HCN1: variants seen among roughly 807,000 people sequenced by gnomAD.
HCN1 encodes potassium/sodium hyperpolarization-activated cyclic nucleotide-gated channel 1.
HCN1 carries 13 observed loss-of-function variants against 78.9 expected under a neutral mutation model. That is an observed-to-expected ratio of 0.16 (90% CI 0.11 to 0.26). The LOEUF (loss-of-function observed/expected upper bound fraction) is 0.26, where lower values mean the gene tolerates loss of function less well. HCN1 is among the 10% of genes least tolerant of loss of function. The pLI is 1.00. For synonymous variants in HCN1, 552 were observed against 455.5 expected, an observed-to-expected ratio of 1.21 and a Z score of -2.70; for missense variants, 810 against 1,154.3, an observed-to-expected ratio of 0.70 and a Z score of 4.32.
intron 2 of HCN1, among the ~76,000 whole-genome samples, chr5:45,560,563 G>T (rs888587079): frequency 9.9e-5 from 15 of 151,696 alleles, no homozygotes; most frequent in African/African-American, 3.6e-4. Context: ...TATAATTTTT[G>T]AAATAGTGAT....
chr5:45,349,346 A>T (rs932420351), intron 5 of HCN1, among the ~76,000 whole-genome samples: 1 of 152,162 alleles, frequency 6.6e-6, no homozygotes, highest in East Asian at 1.9e-4. Context: ...ACACAACATA[A>T]CAGAATCTCT....
intron 5 of HCN1, among the ~76,000 whole-genome samples, chr5:45,320,995 A>G (rs1446350312): frequency 1.3e-5 from 2 of 151,858 alleles, no homozygotes; most frequent in Non-Finnish European, 2.9e-5. Flanking sequence ...AAGAAAAGAA[A>G]GGGAGACCGG....
At chr5:45,370,855 C>A (rs896260639) in intron 4 of HCN1, among the ~76,000 whole-genome samples, 15 of 151,780 alleles carry the variant, frequency 9.9e-5, no homozygotes, top group Admixed American at 4.0e-4. Context: ...GAAGTAATGG[C>A]AGTATAGTGA....
chr5:45,617,587 G>A (rs763137141), intron 2 of HCN1, among the ~76,000 whole-genome samples: 20 of 152,092 alleles, frequency 1.3e-4, no homozygotes, highest in Non-Finnish European at 2.8e-4. Flanking sequence ...TTTTTAGGTA[G>A]AGTGAACAAA....
At chr5:45,582,530 T>G (rs1473267528) in intron 2 of HCN1, among the ~76,000 whole-genome samples, 2 of 152,126 alleles carry the variant, frequency 1.3e-5, no homozygotes, top group Non-Finnish European at 2.9e-5. Flanking sequence ...CCTGCCTGAT[T>G]GCCCTGGCCA....
Position 45,461,828 on chromosome 5 carries a change from A to G in HCN1, c.1011+18T>C. ...CAACGTTGAAAAGTCAGAGTGTAAA[A>G]TAACAGAATTTACTTACAACCATTT... On this transcript the variant is annotated intron_variant, in intron 3 of 7. Coordinates refer to ENST00000303230, the MANE Select transcript of HCN1 (RefSeq NM_021072.4). The G allele has an allele frequency of 1.9e-6, 3 of 1,608,654 alleles. No individual in the cohort carries two copies. The highest frequency in any genetic ancestry group is 1.7e-5 in the Admixed American group (1 of 59,768).
intron 4 of HCN1, among the ~76,000 whole-genome samples, chr5:45,373,752 ACGG>A (rs1747498995): frequency 1.6e-5 from 2 of 122,678 alleles, no homozygotes; most frequent in African/African-American, 6.5e-5. Flanking sequence ...TATATTACAT[ACGG>A]TATATACGTC....
intron 2 of HCN1, among the ~76,000 whole-genome samples, chr5:45,565,232 C>T (rs1206487406): frequency 2.6e-5 from 4 of 152,112 alleles, no homozygotes; most frequent in Non-Finnish European, 5.9e-5. Context: ...ATTAAATTAA[C>T]TATAGATTTT....
In HCN1 at chr5:45,599,512, CATGTACCCTAGAACTT is replaced by C. The variant is rs1443257597; in HGVS notation, c.849+45657_849+45672del. ...ATGTAACAAACCTGCACATTGTGCA[CATGTACCCTAGAACTT>C]AAAGTATAATTTAAAAAGATAAAGT... On this transcript the variant is annotated intron_variant, in intron 2 of 7. Coordinates refer to ENST00000303230, the MANE Select transcript of HCN1 (RefSeq NM_021072.4). Among the ~76,000 whole-genome samples the C allele has an allele frequency of 9.9e-5, 15 of 152,200 alleles. No homozygotes were observed. The East Asian group carries it at 2.9e-3, about 29-fold the overall frequency.
At chr5:45,618,725 G>A (rs971020342) in intron 2 of HCN1, among the ~76,000 whole-genome samples, 1 of 152,036 alleles carries the variant, frequency 6.6e-6, no homozygotes, top group Non-Finnish European at 1.5e-5. Context: ...TATTTAGGAA[G>A]TAAAATAATC....
At chr5:45,660,152 C>T (rs2112056789) in intron 1 of HCN1, among the ~76,000 whole-genome samples, 1 of 122,122 alleles carries the variant, frequency 8.2e-6, no homozygotes, top group Non-Finnish European at 1.7e-5. Flanking sequence ...CAATATTCAA[C>T]ATTCTTAAAG....
chr5:45,535,018 A>T lies in HCN1; in HGVS notation c.850-73011T>A, dbSNP rs566333772. ...CAATTCTATCCACCCAAAATAAAAC[A>T]TCAGCATTCTTCTCAGAGTTACAAT... is the stretch of plus-strand genomic sequence containing the variant. On this transcript the variant is annotated intron_variant, in intron 2 of 7. Coordinates refer to ENST00000303230, the MANE Select transcript of HCN1 (RefSeq NM_021072.4). Among the ~76,000 whole-genome samples, 50 of 152,244 alleles carry T rather than the reference A, an allele frequency of 3.3e-4. 1 individual carries two copies. Among genetic ancestry groups the T allele is most frequent in the Admixed American group, 2.3e-3 (35 of 15,284 alleles).
intron 1 of HCN1, among the ~76,000 whole-genome samples, chr5:45,668,886 T>C (rs1265687206): frequency 6.6e-6 from 1 of 151,908 alleles, no homozygotes; most frequent in African/African-American, 2.4e-5. Flanking sequence ...TTGTCAGCTC[T>C]ATTCATGTTT....
intron 2 of HCN1, among the ~76,000 whole-genome samples, chr5:45,611,871 T>C (rs979494938): frequency 1.3e-5 from 2 of 152,104 alleles, no homozygotes; most frequent in Non-Finnish European, 2.9e-5. Flanking sequence ...AATCTTAATA[T>C]AGAGCAGAGA....
At chr5:45,311,528 C>G (rs1745851465) in intron 5 of HCN1, among the ~76,000 whole-genome samples, 1 of 151,986 alleles carries the variant, frequency 6.6e-6, no homozygotes, top group African/African-American at 2.4e-5. Context: ...GGCATAAACA[C>G]CCATGCAGAA....
intron 2 of HCN1, chr5:45,576,283 A>T (rs1292154679): frequency 2.0e-5 from 3 of 152,180 alleles, no homozygotes; most frequent in African/African-American, 7.2e-5. Flanking sequence ...CCTGATAAAG[A>T]TGCTATGAAT....
intron 6 of HCN1, among the ~76,000 whole-genome samples, chr5:45,282,330 T>G (rs1745185836): frequency 6.6e-6 from 1 of 152,206 alleles, no homozygotes; most frequent in African/African-American, 2.4e-5. Context: ...ATATGTTATC[T>G]TGAGTAGAAT....
chr5:45,646,898 T>C (rs1021769594), intron 1 of HCN1, among the ~76,000 whole-genome samples: 1 of 152,280 alleles, frequency 6.6e-6, no homozygotes, highest in Non-Finnish European at 1.5e-5. Context: ...ATAAACAATA[T>C]AAACTTCCAT....
At chr5:45,599,045 C>T (rs1463104044) in intron 2 of HCN1, among the ~76,000 whole-genome samples, 1 of 152,230 alleles carries the variant, frequency 6.6e-6, no homozygotes, top group South Asian at 2.1e-4. Flanking sequence ...ACCATTTGAC[C>T]CGGTGATCCC....
Sources: allele counts gnomAD v4.1 joint callset (sites outside exome capture counted in the v4.1 genomes callset), GRCh38; gene constraint gnomAD v4.1.1; transcripts MANE v1.5; gene names NCBI Gene and HGNC (gene_info 2026-07-23, HGNC 2026-07-21).